Variants in EFNA5 observed in about 807,000 individuals in gnomAD.
EFNA5 encodes ephrin A5, also known as ephrin-A5.
A neutral mutation model predicts 22.9 loss-of-function variants in EFNA5; 5 were observed. The observed-to-expected ratio is 0.22, with a 90% CI of 0.11 to 0.46. EFNA5 has a LOEUF of 0.46. Ranked by LOEUF, EFNA5 falls within the 20% of genes least tolerant of loss-of-function variation. The pLI, the probability that EFNA5 is intolerant of heterozygous loss-of-function variation, is 0.99. For missense variants in EFNA5, 237 were observed against 293.3 expected, an observed-to-expected ratio of 0.81 and a Z score of 1.40; for synonymous variants, 113 against 112.2, an observed-to-expected ratio of 1.01 and a Z score of -0.04.
chr5:107,521,245 C>T (rs1747589899), intron 1 of EFNA5, among the ~76,000 whole-genome samples: 1 of 152,002 alleles, frequency 6.6e-6, no homozygotes, highest in South Asian at 2.1e-4. Context: ...CATCTGGCCA[C>T]ACAATAAACT....
chr5:107,442,903 C>A lies in EFNA5; in HGVS notation c.126-15394G>T, dbSNP rs186621627. Among the ~76,000 whole-genome samples, 41 of 143,196 alleles carry A rather than the reference C, an allele frequency of 2.9e-4. 1 individual carries two copies. In the East Asian group the frequency reaches 4.5e-3, roughly 16 times the overall value. The allele number at this position is 143,196 out of a possible 152,430, so 93.9% of individuals were successfully genotyped here. A position where few individuals can be genotyped will look rare whatever the true frequency, so the allele number is the denominator to read the frequency against. ...CAAGACAGAATTTCTAGAAAACTTC[C>A]CGAGGAGCGAAAGTTCCCCAGGTAC... On this transcript the variant is annotated intron_variant, in intron 1 of 4. Coordinates refer to ENST00000333274, the MANE Select transcript of EFNA5 (RefSeq NM_001962.3).
chr5:107,617,998 G>C (rs1749958612), intron 1 of EFNA5, among the ~76,000 whole-genome samples: 1 of 151,256 alleles, frequency 6.6e-6, no homozygotes, highest in Non-Finnish European at 1.5e-5. Flanking sequence ...CGCTGTCTCT[G>C]TTTAAAACAA....
At chr5:107,509,585 C>G (rs530878610) in intron 1 of EFNA5, among the ~76,000 whole-genome samples, 2 of 151,632 alleles carry the variant, frequency 1.3e-5, no homozygotes, top group South Asian at 4.2e-4. Context: ...CCCGCCTTGG[C>G]CTCCCAAAGT....
chr5:107,572,726 T>C (rs963943327), intron 1 of EFNA5, among the ~76,000 whole-genome samples: 2 of 152,196 alleles, frequency 1.3e-5, no homozygotes, highest in African/African-American at 2.4e-5. Flanking sequence ...ACTTCCATTG[T>C]TTTTTTACAC....
At chr5:107,570,889 C>A in intron 1 of EFNA5, among the ~76,000 whole-genome samples, 1 of 152,166 alleles carries the variant, frequency 6.6e-6, no homozygotes, top group East Asian at 1.9e-4. Flanking sequence ...AAACCTGCTG[C>A]CATTAAATAA....
intron 1 of EFNA5, among the ~76,000 whole-genome samples, chr5:107,431,803 G>C (rs1452881131): frequency 1.3e-5 from 2 of 152,184 alleles, no homozygotes; most frequent in East Asian, 3.9e-4. Flanking sequence ...TCTGCTATGG[G>C]CTTTACATAT....
intron 1 of EFNA5, among the ~76,000 whole-genome samples, chr5:107,555,152 G>A (rs1344969609): frequency 6.6e-6 from 1 of 152,156 alleles, no homozygotes; most frequent in African/African-American, 2.4e-5. Context: ...AAAATAATGA[G>A]TCTTGGCAAA....
intron 1 of EFNA5, among the ~76,000 whole-genome samples, chr5:107,598,509 G>A (rs1027004117): frequency 6.6e-6 from 1 of 152,152 alleles, no homozygotes; most frequent in Non-Finnish European, 1.5e-5. Context: ...CAGATGTGAT[G>A]AGAAATAAGA....
At chr5:107,403,557 T>C (rs1402966185) in intron 2 of EFNA5, among the ~76,000 whole-genome samples, 1 of 152,212 alleles carries the variant, frequency 6.6e-6, no homozygotes, top group East Asian at 1.9e-4. Flanking sequence ...GCATTCTACA[T>C]TACAGTTTCA....
chr5:107,590,812 T>A (rs1749308333), intron 1 of EFNA5, among the ~76,000 whole-genome samples: 1 of 152,180 alleles, frequency 6.6e-6, no homozygotes, highest in African/African-American at 2.4e-5. Flanking sequence ...TTTCAGAAAT[T>A]GTTTTGAGAA....
At chr5:107,516,564 C>G (rs1452594050) in intron 1 of EFNA5, among the ~76,000 whole-genome samples, 3 of 152,174 alleles carry the variant, frequency 2.0e-5, no homozygotes, top group Non-Finnish European at 4.4e-5. Flanking sequence ...TTGACAACTC[C>G]TGTTCCTCCC....
At chr5:107,446,085 C>A (rs1227251432) in intron 1 of EFNA5, among the ~76,000 whole-genome samples, 1 of 152,160 alleles carries the variant, frequency 6.6e-6, no homozygotes, top group Admixed American at 6.5e-5. Flanking sequence ...ATTCCATGAC[C>A]TCTCCACATC....
At chr5:107,460,844 T>C (rs569556308) in intron 1 of EFNA5, among the ~76,000 whole-genome samples, 3 of 152,296 alleles carry the variant, frequency 2.0e-5, no homozygotes, top group African/African-American at 7.2e-5. Flanking sequence ...GCCTATGTCA[T>C]TAAAACAAGG....
chr5:107,668,244 T>C (rs1301827547), intron 1 of EFNA5, among the ~76,000 whole-genome samples: 2 of 152,188 alleles, frequency 1.3e-5, no homozygotes, highest in African/African-American at 4.8e-5. Context: ...AATACCGATT[T>C]AGAAATACTC....
chr5:107,481,547 G>A (rs967763212), intron 1 of EFNA5, among the ~76,000 whole-genome samples: 3 of 152,166 alleles, frequency 2.0e-5, no homozygotes, highest in African/African-American at 7.2e-5. Context: ...AACAATAAAT[G>A]CAGGAAAAGA....
rs532108555 is a variant in EFNA5 at position 107,579,311 on chromosome 5, A to C, written c.125+91178T>G. Among the ~76,000 whole-genome samples, 5 of 152,300 alleles carry C rather than the reference A, an allele frequency of 3.3e-5. No homozygotes were observed. In the East Asian group the frequency reaches 9.6e-4, roughly 29 times the overall value. Reference sequence around the variant, plus strand: ...GAGCCAGGTTCAACTTTCCAGAGCTAAGAGAATGAAGTAAAATATATACAA... The same window carrying C: ...GAGCCAGGTTCAACTTTCCAGAGCTCAGAGAATGAAGTAAAATATATACAA... On this transcript the variant is annotated intron_variant, in intron 1 of 4. Transcript: ENST00000333274.
At chr5:107,417,609 T>G (rs1236990771) in intron 2 of EFNA5, among the ~76,000 whole-genome samples, 1 of 152,160 alleles carries the variant, frequency 6.6e-6, no homozygotes, top group Non-Finnish European at 1.5e-5. Context: ...ACAGAAAACT[T>G]GATAGCCACT....
At chr5:107,387,860 A>G in intron 2 of EFNA5, 89 bp from the exon 3 acceptor site, 1 of 947,242 alleles carries the variant, frequency 1.1e-6, no homozygotes, top group Non-Finnish European at 1.6e-6. Flanking sequence ...ATGAACAATA[A>G]ATTCTTTCCT....
chr5:107,555,417 G>A (rs1450785833), intron 1 of EFNA5, among the ~76,000 whole-genome samples: 1 of 152,130 alleles, frequency 6.6e-6, no homozygotes, highest in East Asian at 1.9e-4. Flanking sequence ...CAGGAGAAGA[G>A]GAATGGAGAT....
Sources: allele counts gnomAD v4.1 joint callset (sites outside exome capture counted in the v4.1 genomes callset), GRCh38; gene constraint gnomAD v4.1.1; transcripts MANE v1.5; gene names NCBI Gene and HGNC (gene_info 2026-07-23, HGNC 2026-07-21).